The following NFIB variants were observed in gnomAD, a reference collection of about 807,000 sequenced individuals.
NFIB encodes the protein nuclear factor I B.
Under a neutral mutation model 61.5 loss-of-function variants are expected in NFIB, and 11 were observed. The ratio of observed to expected loss-of-function variants is 0.18; its 90% confidence interval spans 0.11 to 0.30. The LOEUF (loss-of-function observed/expected upper bound fraction) is 0.30. NFIB is among the 10% of genes least tolerant of loss of function. The pLI, the probability that NFIB is intolerant of heterozygous loss-of-function variation, is 1.00. For missense variants in NFIB, 471 were observed against 608.9 expected, an observed-to-expected ratio of 0.77 and a Z score of 2.38; for synonymous variants, 260 against 216.5, an observed-to-expected ratio of 1.20 and a Z score of -1.76.
chr9:14,302,779 C>A (rs1027872817), intron 2 of NFIB, among the ~76,000 whole-genome samples: 1 of 148,180 alleles, frequency 6.7e-6, no homozygotes, highest in Non-Finnish European at 1.5e-5. Context: ...TTCCTTTTTT[C>A]CCCTTCAGAC....
chr9:14,376,688 T>C (rs991180791), intron 1 of NFIB, among the ~76,000 whole-genome samples: 6 of 152,080 alleles, frequency 3.9e-5, no homozygotes, highest in African/African-American at 1.4e-4. Context: ...AGCTGATTTT[T>C]ATATTTTTGG....
the NFIB span, among the ~76,000 whole-genome samples, chr9:14,487,517 T>C: frequency 1.3e-5 from 2 of 152,312 alleles, no homozygotes; most frequent in South Asian, 2.1e-4. Flanking sequence ...ATGGCCATAG[T>C]GTGGGATGCC....
chr9:14,511,830 TA>T, the NFIB span, among the ~76,000 whole-genome samples: 1 of 152,240 alleles, frequency 6.6e-6, no homozygotes, highest in African/African-American at 2.4e-5. Context: ...TAAGTCAGAA[TA>T]TGTTTCCATT....
intron 2 of NFIB, among the ~76,000 whole-genome samples, chr9:14,203,226 GA>G (rs1272515327): frequency 6.6e-6 from 1 of 151,922 alleles, no homozygotes; most frequent in Non-Finnish European, 1.5e-5. Context: ...TTTTGAGACA[GA>G]AAGCTACCCT....
In NFIB at chr9:14,338,315, A is replaced by G. The variant is rs558445400; in HGVS notation, c.109-30795T>C. ...AGGCTGAGGCAGGAGAATGGCGTGAACCCGGGAGGCGGAGGTTGCAGTGAG... is the reference window on the plus strand; with the variant it reads ...AGGCTGAGGCAGGAGAATGGCGTGAGCCCGGGAGGCGGAGGTTGCAGTGAG... On this transcript the variant is annotated intron_variant, in intron 1 of 8. Coordinates refer to the NFIB transcript ENST00000380934. Among the ~76,000 whole-genome samples the G allele has an allele frequency of 3.9e-5, 6 of 152,124 alleles. No homozygotes were observed. In the East Asian group the frequency reaches 9.7e-4, roughly 24 times the overall value.
At chr9:14,228,263 C>T (rs550017219) in intron 2 of NFIB, among the ~76,000 whole-genome samples, 1 of 149,384 alleles carries the variant, frequency 6.7e-6, no homozygotes, top group East Asian at 2.0e-4. Flanking sequence ...GGCGCAATCT[C>T]GGCTCACTGC....
At chr9:14,365,801 A>G (rs2061292814) in intron 1 of NFIB, among the ~76,000 whole-genome samples, 1 of 152,176 alleles carries the variant, frequency 6.6e-6, no homozygotes, top group African/African-American at 2.4e-5. Flanking sequence ...CAGGAGGGAG[A>G]GAGTATCAAG....
intron 2 of NFIB, among the ~76,000 whole-genome samples, chr9:14,285,890 A>C (rs987011612): frequency 3.3e-5 from 5 of 152,216 alleles, no homozygotes; most frequent in Admixed American, 3.3e-4. Flanking sequence ...CATTTTACAC[A>C]AGAAGAAATG....
the NFIB span, among the ~76,000 whole-genome samples, chr9:14,525,783 AAAAACTCAACATGATTATG>A: frequency 6.6e-6 from 1 of 152,180 alleles, no homozygotes; most frequent in African/African-American, 2.4e-5. Context: ...GTGAATTTTT[AAAAACTCAACATGATTATG>A]AAAACCCCAT....
intron 1 of NFIB, among the ~76,000 whole-genome samples, chr9:14,396,330 A>G (rs1354495058): frequency 6.6e-6 from 1 of 151,340 alleles, no homozygotes; most frequent in African/African-American, 2.4e-5. Context: ...GATCCCAGCT[A>G]TTGTGGAAAC....
Position 14,099,843 on chromosome 9 carries a change from C to T in NFIB, c.1468-11517G>A, listed in dbSNP as rs538851215. Among the ~76,000 whole-genome samples, 142 of 152,258 alleles carry T rather than the reference C, an allele frequency of 9.3e-4. 1 individual carries two copies. Among genetic ancestry groups the T allele is most frequent in the African/African-American group, 3.3e-3 (137 of 41,556 alleles). ...ATCTCAGTACTTTGGGAGGCCAAGG[C>T]GAGCAGATCACTTAAGTCAGGAGTT... is the stretch of plus-strand genomic sequence containing the variant. On this transcript the variant is annotated intron_variant, in intron 10 of 10. Coordinates refer to ENST00000380953, the MANE Select transcript of NFIB (RefSeq NM_001190737.2).
At chr9:14,105,619 G>A (rs2036449248) in intron 10 of NFIB, among the ~76,000 whole-genome samples, 1 of 152,044 alleles carries the variant, frequency 6.6e-6, no homozygotes, top group Non-Finnish European at 1.5e-5. Flanking sequence ...TGGTATGGGT[G>A]GGGGATGCAA....
Position 14,347,940 on chromosome 9 carries a change from C to A in NFIB, c.109-40420G>T, listed in dbSNP as rs918913809. ...GCGACGCGCGTAGTTTCGCGTCGCA[C>A]GCGGTGTCTGGTCTCCGCGCACCAC... On this transcript the variant is annotated intron_variant, in intron 1 of 8. Coordinates refer to the NFIB transcript ENST00000380934. 4.6e-5 allele frequency among the ~76,000 whole-genome samples: 7 copies of A among 152,286 alleles called. No homozygotes were observed. In the East Asian group the frequency reaches 1.2e-3, roughly 25 times the overall value.
the NFIB span, among the ~76,000 whole-genome samples, chr9:14,522,603 CT>C: frequency 2.0e-5 from 3 of 152,228 alleles, no homozygotes; most frequent in South Asian, 4.1e-4. Context: ...TCATTTAGGA[CT>C]ATCGATAATA....
intron 1 of NFIB, among the ~76,000 whole-genome samples, chr9:14,310,369 G>C (rs891698219): frequency 6.6e-6 from 1 of 152,002 alleles, no homozygotes; most frequent in African/African-American, 2.4e-5. Context: ...TTTGACAAGG[G>C]GACATATCCT....
intron 6 of NFIB, among the ~76,000 whole-genome samples, chr9:14,135,723 T>C (rs1189540422): frequency 2.0e-5 from 3 of 152,100 alleles, no homozygotes; most frequent in East Asian, 3.9e-4. Flanking sequence ...CTGGAAAAAA[T>C]GGCAAGCTAC....
intron 4 of NFIB, among the ~76,000 whole-genome samples, chr9:14,152,775 G>C (rs1198217469): frequency 6.6e-6 from 1 of 150,860 alleles, no homozygotes; most frequent in Non-Finnish European, 1.5e-5. Context: ...GCAGTGTCAA[G>C]ACAGCAATAA....
At chr9:14,271,342 T>C (rs1482866090) in intron 2 of NFIB, among the ~76,000 whole-genome samples, 1 of 152,024 alleles carries the variant, frequency 6.6e-6, no homozygotes, top group Non-Finnish European at 1.5e-5. Context: ...GAGGCTTTTG[T>C]GCTGTACTGT....
chr9:14,198,679 T>A (rs1268010421), intron 2 of NFIB, among the ~76,000 whole-genome samples: 1 of 152,200 alleles, frequency 6.6e-6, no homozygotes, highest in African/African-American at 2.4e-5. Context: ...ACAGCAATGC[T>A]GGGGCCAAGA....
Sources: gnomAD v4.1 joint callset for allele counts (sites outside exome capture counted in the v4.1 genomes callset) on GRCh38, gnomAD v4.1.1 for gene constraint, MANE v1.5 for transcripts, NCBI Gene and HGNC (gene_info 2026-07-23, HGNC 2026-07-21) for gene names.